Variants in CPED1 observed in about 807,000 individuals in gnomAD.
The protein encoded by CPED1 is cadherin like and PC-esterase domain containing 1.
CPED1 carries 114 observed loss-of-function variants against 128.2 expected under a neutral mutation model. That is an observed-to-expected ratio of 0.89 (90% CI 0.76 to 1.04). The LOEUF (loss-of-function observed/expected upper bound fraction) is 1.04. CPED1 is among the 50% of genes least tolerant of loss of function. The probability of loss-of-function intolerance (pLI) is 0.00; values close to 1 mark genes in which losing one functional copy is unlikely to be tolerated. For synonymous variants in CPED1, 462 were observed against 426.7 expected, an observed-to-expected ratio of 1.08 and a Z score of -1.02; for missense variants, 1,211 against 1,207.1, an observed-to-expected ratio of 1.00 and a Z score of -0.05.
chr7:121,096,519 A>G (rs1794701759), intron 5 of CPED1, among the ~76,000 whole-genome samples: 2 of 152,150 alleles, frequency 1.3e-5, no homozygotes, highest in African/African-American at 2.4e-5. Context: ...GGTCATGTCT[A>G]ACAAATTTGC....
At chr7:121,197,017 AG>A (rs1164705304) in intron 16 of CPED1, among the ~76,000 whole-genome samples, 1 of 152,078 alleles carries the variant, frequency 6.6e-6, no homozygotes, top group East Asian at 1.9e-4. Flanking sequence ...TTGCTTCTCC[AG>A]AATTGCACAC....
At chr7:121,045,631 A>G (rs1209385346) in intron 3 of CPED1, among the ~76,000 whole-genome samples, 1 of 148,762 alleles carries the variant, frequency 6.7e-6, no homozygotes, top group East Asian at 1.9e-4. Context: ...GCCTTTTAGA[A>G]GCTACTAGAC....
intron 16 of CPED1, among the ~76,000 whole-genome samples, chr7:121,209,873 C>A (rs112692441): frequency 6.6e-6 from 1 of 151,834 alleles, no homozygotes; most frequent in Admixed American, 6.6e-5. Flanking sequence ...GAATTAATAA[C>A]CAGAACACAT....
In CPED1 at chr7:121,167,020, C is replaced by A. The variant is rs549155693; in HGVS notation, c.2055+24879C>A. ...AGAAGAAAGTTAATGCAGCTGCCTT[C>A]GCTAATCATTCAGTGTGACCCAGCC... On this transcript the variant is annotated intron_variant, in intron 16 of 22. Transcript: ENST00000310396. 4.5e-4 allele frequency among the ~76,000 whole-genome samples: 69 copies of A among 152,254 alleles called. 1 individual carries two copies. In the Middle Eastern group the frequency reaches 0.014, roughly 30 times the overall value.
intron 16 of CPED1, among the ~76,000 whole-genome samples, chr7:121,157,521 T>C (rs934224825): frequency 6.6e-6 from 1 of 152,176 alleles, no homozygotes; most frequent in Non-Finnish European, 1.5e-5. Flanking sequence ...AGTTCATAGT[T>C]AGGCCATTGG....
chr7:121,035,255 G>A (rs1408776613), intron 3 of CPED1, among the ~76,000 whole-genome samples: 2 of 152,222 alleles, frequency 1.3e-5, no homozygotes, highest in Admixed American at 6.5e-5. Flanking sequence ...ACAAGGATGA[G>A]ATCTGTATTT....
intron 14 of CPED1, among the ~76,000 whole-genome samples, chr7:121,138,889 A>G (rs1795838488): frequency 1.3e-5 from 2 of 151,304 alleles, no homozygotes; most frequent in East Asian, 2.0e-4. Flanking sequence ...TTTGAATCAA[A>G]CCTCATGATT....
intron 22 of CPED1, among the ~76,000 whole-genome samples, chr7:121,294,516 T>A (rs1330407523): frequency 6.6e-6 from 1 of 152,120 alleles, no homozygotes; most frequent in Non-Finnish European, 1.5e-5. Flanking sequence ...ATGCCATGTC[T>A]GTGTCTCAGG....
chr7:120,997,539 T>C (rs185226620), intron 2 of CPED1, among the ~76,000 whole-genome samples: 29 of 152,304 alleles, frequency 1.9e-4, no homozygotes, highest in Non-Finnish European at 3.8e-4. Flanking sequence ...GTGACCTTAC[T>C]TGGAAATAGG....
intron 2 of CPED1, among the ~76,000 whole-genome samples, chr7:121,012,551 C>T (rs77762415): frequency 1.1e-3 from 162 of 152,338 alleles, no homozygotes; most frequent in African/African-American, 3.8e-3. Context: ...TTGATGATCT[C>T]GCACTTGCTA....
intron 5 of CPED1, among the ~76,000 whole-genome samples, chr7:121,074,554 C>T (rs1417645600): frequency 8.6e-6 from 1 of 116,586 alleles, no homozygotes. Context: ...GCATTAAAAA[C>T]CTGTTCAGGC....
At chr7:121,201,333 G>C (rs1352208267) in intron 16 of CPED1, among the ~76,000 whole-genome samples, 5 of 152,136 alleles carry the variant, frequency 3.3e-5, no homozygotes, top group African/African-American at 1.2e-4. Context: ...TTACGAGGCT[G>C]AGGTAGGAGA....
chr7:121,044,090 C>T (rs1442055199), intron 3 of CPED1, among the ~76,000 whole-genome samples: 1 of 152,146 alleles, frequency 6.6e-6, no homozygotes, highest in Admixed American at 6.5e-5. Context: ...AGTGAAAGCA[C>T]TTTGATCTCT....
At chr7:121,128,552 C>A in intron 11 of CPED1, 66 bp downstream of exon 11, 3 of 824,720 alleles carry the variant, frequency 3.6e-6, no homozygotes, top group Non-Finnish European at 4.2e-6. Context: ...CTGTAAGCTA[C>A]CTGATTTTGA....
In CPED1 at chr7:121,100,027, T is replaced by C; in HGVS notation, c.851T>C (p.Leu284Ser). 1 of 1,613,742 alleles carries C rather than the reference T, an allele frequency of 6.2e-7. No homozygotes were observed. The highest frequency in any genetic ancestry group is 8.5e-7 in the Non-Finnish European group (1 of 1,179,798). Residue 284 changes from leucine (L) to serine (S), a missense_variant, in exon 7 of 23, where the codon TTG becomes TCG. Transcript: ENST00000310396. ...AYVLVTSLTP[L>S]RAFIHSTGTV... ...GTGTTGGTGACGTCCTTAACCCCTTTGCGTGCATTCATTCATTCGACGGGC... is the reference window on the plus strand; with the variant it reads ...GTGTTGGTGACGTCCTTAACCCCTTCGCGTGCATTCATTCATTCGACGGGC...
At chr7:121,238,280 G>A (rs28563150) in intron 17 of CPED1, among the ~76,000 whole-genome samples, 5,993 of 152,136 alleles carry the variant, frequency 0.039, 377 homozygotes, top group African/African-American at 0.14. Flanking sequence ...TCAAGTGCAC[G>A]CTCCTTAGCC....
intron 16 of CPED1, among the ~76,000 whole-genome samples, chr7:121,194,022 CTATATATATA>C (rs1231718616): frequency 1.3e-5 from 1 of 74,762 alleles, no homozygotes; most frequent in African/African-American, 5.3e-5. Context: ...CTCTCTCTCT[CTATATATATA>C]TATATATATA....
intron 5 of CPED1, among the ~76,000 whole-genome samples, chr7:121,087,948 C>A (rs942679000): frequency 1.3e-5 from 2 of 152,116 alleles, no homozygotes; most frequent in African/African-American, 4.8e-5. Flanking sequence ...GCATGAACCA[C>A]CATGCCTGGC....
Position 121,140,851 on chromosome 7 carries a change from A to G in CPED1, c.1724A>G (p.Lys575Arg), listed in dbSNP as rs1293356182. 6.2e-7 allele frequency: 1 copy of G among 1,612,274 alleles called. No homozygotes were observed. The highest frequency in any genetic ancestry group is 2.2e-5 in the East Asian group (1 of 44,834). The change falls in exon 15 of 23, where the codon AAG becomes AGG. Residue 575 changes from lysine to arginine, a missense_variant. By Grantham distance (26) the Lys-to-Arg change is conservative. Transcript: ENST00000310396. Reference sequence around the variant, plus strand: ...GATGAAAACACACCATGTCATATCAAGCAGATCTTCACACATCCACATTTG... The same window carrying G: ...GATGAAAACACACCATGTCATATCAGGCAGATCTTCACACATCCACATTTG... ...SDDENTPCHIKQIFTHPHLEL... is the reference protein window; with the variant it reads ...SDDENTPCHIRQIFTHPHLEL...
Sources: gnomAD v4.1 joint callset for allele counts (sites outside exome capture counted in the v4.1 genomes callset) on GRCh38, gnomAD v4.1.1 for gene constraint, MANE v1.5 for transcripts, NCBI Gene and HGNC (gene_info 2026-07-23, HGNC 2026-07-21) for gene names.